Variants in IL1RAPL1 observed in about 807,000 individuals in gnomAD.
IL1RAPL1 encodes the protein interleukin 1 receptor accessory protein like 1.
IL1RAPL1 carries 3 observed loss-of-function variants against 48.4 expected under a neutral mutation model. The observed-to-expected ratio is 0.06, with a 90% CI of 0.03 to 0.16. The LOEUF is 0.16. IL1RAPL1 is among the 10% of genes least tolerant of loss of function. IL1RAPL1 has a pLI of 1.00. For synonymous variants in IL1RAPL1, 185 were observed against 187.7 expected, an observed-to-expected ratio of 0.99 and a Z score of 0.12; for missense variants, 349 against 530.6, an observed-to-expected ratio of 0.66 and a Z score of 3.36.
chrX:28,977,237 G>T (rs1229480557), intron 2 of IL1RAPL1, among the ~76,000 whole-genome samples: 1 of 112,041 alleles, frequency 8.9e-6, no homozygotes, highest in East Asian at 2.8e-4. Context: ...AATTTACAAA[G>T]AAAAAAGGTT....
chrX:28,764,440 C>T (rs6630753), intron 1 of IL1RAPL1, among the ~76,000 whole-genome samples: 9,634 of 111,359 alleles, frequency 0.087, 812 homozygotes, highest in East Asian at 0.3. Flanking sequence ...CAGTGGCTCA[C>T]GCCTGTAATC....
chrX:29,904,543 C>T (rs1932569017), intron 6 of IL1RAPL1, among the ~76,000 whole-genome samples: 2 of 107,022 alleles, frequency 1.9e-5, no homozygotes, highest in African/African-American at 3.3e-5. Context: ...CCCCGACAGG[C>T]CCCAGTGTGT....
chrX:29,608,593 A>G (rs777839301), intron 5 of IL1RAPL1, among the ~76,000 whole-genome samples: 1,593 of 110,586 alleles, frequency 0.014, 35 homozygotes, highest in African/African-American at 0.049. Flanking sequence ...TTGGGAGGCC[A>G]AGGTGGGCGG....
intron 2 of IL1RAPL1, among the ~76,000 whole-genome samples, chrX:28,864,701 G>A (rs1922034132): frequency 9.0e-6 from 1 of 111,492 alleles, no homozygotes; most frequent in Admixed American, 9.6e-5. Flanking sequence ...TTTTAGAAAA[G>A]AAGGAGGCTA....
intron 2 of IL1RAPL1, among the ~76,000 whole-genome samples, chrX:29,045,950 C>CTCCTCCTTAT (rs1555956648): frequency 2.8e-5 from 2 of 72,244 alleles, no homozygotes; most frequent in Non-Finnish European, 5.0e-5. Context: ...CTTCCTCCTC[C>CTCCTCCTTAT]TCCTCCTCCT....
intron 1 of IL1RAPL1, among the ~76,000 whole-genome samples, chrX:28,700,138 G>A (rs1211730377): frequency 9.0e-6 from 1 of 111,282 alleles, no homozygotes. Context: ...GGGAACATAC[G>A]TAGAAGAAAT....
chrX:29,409,885 C>T (rs886825454), intron 5 of IL1RAPL1, among the ~76,000 whole-genome samples: 7 of 100,782 alleles, frequency 6.9e-5, no homozygotes, highest in African/African-American at 1.4e-4. Context: ...TACAATGGCA[C>T]GATATCGGCT....
chrX:29,015,753 A>G (rs1377998448), intron 2 of IL1RAPL1, among the ~76,000 whole-genome samples: 2 of 111,438 alleles, frequency 1.8e-5, no homozygotes, highest in Non-Finnish European at 3.8e-5. Context: ...TTTGGGGGCA[A>G]AATTTCTCTA....
At chrX:29,612,889 C>T (rs1924136280) in intron 5 of IL1RAPL1, among the ~76,000 whole-genome samples, 1 of 111,968 alleles carries the variant, frequency 8.9e-6, no homozygotes, top group South Asian at 3.7e-4. Flanking sequence ...ATTCACTGAA[C>T]CCTCTGTATG....
intron 6 of IL1RAPL1, among the ~76,000 whole-genome samples, chrX:29,755,099 T>C (rs1227297430): frequency 8.9e-6 from 1 of 112,542 alleles, no homozygotes; most frequent in African/African-American, 3.2e-5. Flanking sequence ...AGTTCCTTAC[T>C]ACAAGGGCTT....
intron 2 of IL1RAPL1, among the ~76,000 whole-genome samples, chrX:28,795,619 C>G (rs1260619114): frequency 9.0e-6 from 1 of 111,055 alleles, no homozygotes. Context: ...ACTTGGAATT[C>G]AAACTAATTA....
At chrX:29,629,339 T>C (rs1483957768) in intron 5 of IL1RAPL1, among the ~76,000 whole-genome samples, 1 of 111,253 alleles carries the variant, frequency 9.0e-6, no homozygotes, top group Non-Finnish European at 1.9e-5. Context: ...GAAGTATGCA[T>C]CTTTTTATCT....
rs1438889606 is a variant in IL1RAPL1 at position 28,831,026 on chromosome X, C to CTCTCTGTG, written c.82+41602_82+41603insCTCTGTGT. ...TCTCTCTCTCTCTCTCTCTCTCTCT[C>CTCTCTGTG]TGTGTGTGTGTGTGTGTGTGTGTGT... On this transcript the variant is annotated intron_variant, in intron 2 of 10. Coordinates refer to ENST00000378993, the MANE Select transcript of IL1RAPL1 (RefSeq NM_014271.4). 3.7e-3 allele frequency among the ~76,000 whole-genome samples: 123 copies of CTCTCTGTG among 33,647 alleles called. 5 individuals are homozygous for CTCTCTGTG. The highest frequency in any genetic ancestry group is 4.4e-3 in the Non-Finnish European group (90 of 20,253). The allele number at this position is 33,647 out of a possible 115,157, so 29.2% of individuals were successfully genotyped here. A position where few individuals can be genotyped will look rare whatever the true frequency, so the allele number is the denominator to read the frequency against.
At chrX:28,969,439 T>G (rs761297521) in intron 2 of IL1RAPL1, among the ~76,000 whole-genome samples, 17 of 110,548 alleles carry the variant, frequency 1.5e-4, no homozygotes, top group Non-Finnish European at 2.8e-4. Flanking sequence ...AAGACATTGT[T>G]AGAAGCCAGC....
At chrX:29,640,637 A>T (rs757641378) in intron 5 of IL1RAPL1, among the ~76,000 whole-genome samples, 2 of 111,322 alleles carry the variant, frequency 1.8e-5, no homozygotes, top group East Asian at 5.7e-4. Flanking sequence ...ATCATCCTTG[A>T]CCCCTCCCTT....
At chrX:28,906,513 C>G (rs1440922127) in intron 2 of IL1RAPL1, among the ~76,000 whole-genome samples, 1 of 111,363 alleles carries the variant, frequency 9.0e-6, no homozygotes, top group Admixed American at 9.6e-5. Flanking sequence ...GTGAAATAAG[C>G]ATTAAGAAGG....
intron 2 of IL1RAPL1, among the ~76,000 whole-genome samples, chrX:29,045,399 A>T (rs1242458284): frequency 8.9e-6 from 1 of 112,341 alleles, no homozygotes; most frequent in African/African-American, 3.2e-5. Flanking sequence ...CTGACAGAGC[A>T]TGCAATTGCC....
intron 2 of IL1RAPL1, among the ~76,000 whole-genome samples, chrX:29,113,881 T>C (rs1006073874): frequency 1.8e-5 from 2 of 111,810 alleles, no homozygotes; most frequent in Non-Finnish European, 1.9e-5. Flanking sequence ...CTTGTCTAAC[T>C]GAAAAGCAGT....
chrX:29,602,086 C>T (rs1381794079), intron 5 of IL1RAPL1, among the ~76,000 whole-genome samples: 2 of 111,180 alleles, frequency 1.8e-5, no homozygotes. Flanking sequence ...CAGGTTCAAG[C>T]GATTCTCCTG....
Sources: allele counts gnomAD v4.1 joint callset (sites outside exome capture counted in the v4.1 genomes callset), GRCh38; gene constraint gnomAD v4.1.1; transcripts MANE v1.5; gene names NCBI Gene and HGNC (gene_info 2026-07-23, HGNC 2026-07-21).